B4GALT1: variants seen among roughly 807,000 people sequenced by gnomAD.
The protein encoded by B4GALT1 is beta-1,4-galactosyltransferase 1.
B4GALT1 carries 16 observed loss-of-function variants against 34.9 expected under a neutral mutation model. The ratio of observed to expected loss-of-function variants is 0.46; its 90% CI spans 0.31 to 0.70. The LOEUF (loss-of-function observed/expected upper bound fraction) is 0.70. Ranked by LOEUF, B4GALT1 falls within the 30% of genes least tolerant of loss-of-function variation. The pLI is 0.05. For synonymous variants in B4GALT1, 221 were observed against 218.1 expected, an observed-to-expected ratio of 1.01 and a Z score of -0.12; for missense variants, 445 against 530.5, an observed-to-expected ratio of 0.84 and a Z score of 1.58.
At chr9:33,137,479 C>T (rs917800827) in intron 1 of B4GALT1, among the ~76,000 whole-genome samples, 3 of 152,202 alleles carry the variant, frequency 2.0e-5, no homozygotes, top group Admixed American at 2.0e-4. Flanking sequence ...TATAAGACTG[C>T]CTGCTGAGCC....
At chr9:33,140,105 C>T (rs181507539) in intron 1 of B4GALT1, among the ~76,000 whole-genome samples, 3 of 152,362 alleles carry the variant, frequency 2.0e-5, no homozygotes, top group Non-Finnish European at 4.4e-5. Flanking sequence ...CAAACACATA[C>T]ATGCCCCTCC....
intron 2 of B4GALT1, among the ~76,000 whole-genome samples, chr9:33,132,661 T>C (rs78138098): frequency 0.013 from 2,032 of 152,286 alleles, 33 homozygotes; most frequent in Admixed American, 0.048. Flanking sequence ...AGAAATCTAC[T>C]GTGTTGAGCC....
chr9:33,104,571 C>T (rs1396534753), exon 3 of B4GALT1: 1 of 345,418 alleles, frequency 2.9e-6, no homozygotes, highest in Non-Finnish European at 5.7e-6. Context: ...AAAAGCCAGT[C>T]ACTGGGGTCA....
chr9:33,117,110 GATTGTT>G (rs1228576955), intron 3 of B4GALT1, among the ~76,000 whole-genome samples: 1 of 152,092 alleles, frequency 6.6e-6, no homozygotes, highest in African/African-American at 2.4e-5. Context: ...TGGAATCTGA[GATTGTT>G]TCAGAGCCTC....
intron 2 of B4GALT1, among the ~76,000 whole-genome samples, chr9:33,127,646 C>G (rs1325656532): frequency 2.0e-5 from 3 of 152,130 alleles, no homozygotes; most frequent in Non-Finnish European, 4.4e-5. Context: ...ACCTAAGGGA[C>G]TTCTAAGAGA....
At chr9:33,161,407 T>TA (rs1179168165) in intron 1 of B4GALT1, among the ~76,000 whole-genome samples, 1 of 152,078 alleles carries the variant, frequency 6.6e-6, no homozygotes, top group Non-Finnish European at 1.5e-5. Flanking sequence ...CTCCTTGAGC[T>TA]AGTGACCGCC....
At chr9:33,181,234 A>G in the B4GALT1 span, among the ~76,000 whole-genome samples, 2 of 152,168 alleles carry the variant, frequency 1.3e-5, no homozygotes, top group African/African-American at 4.8e-5. Context: ...AGCCTGGGCA[A>G]CATAGTGAGA....
At chr9:33,150,899 G>A (rs1840507737) in intron 1 of B4GALT1, among the ~76,000 whole-genome samples, 1 of 152,156 alleles carries the variant, frequency 6.6e-6, no homozygotes, top group Admixed American at 6.5e-5. Context: ...ACAAATACAT[G>A]AGGCAAGAGA....
intron 1 of B4GALT1, among the ~76,000 whole-genome samples, chr9:33,153,966 G>C (rs561145634): frequency 6.8e-6 from 1 of 147,622 alleles, no homozygotes; most frequent in East Asian, 2.0e-4. Context: ...GAAAGGGAAG[G>C]GGAGGGGAGA....
Position 33,113,066 on chromosome 9 carries a change from C to A in B4GALT1, c.*388G>T. On this transcript the variant is annotated 3_prime_UTR_variant, in exon 6 of 6. Transcript: ENST00000379731. ...ACCAATCCAATTTTAGCAGCACTCT[C>A]CGAATTTTCACGAATAAGAAAACCA... 1 of 293,644 alleles carries A rather than the reference C, an allele frequency of 3.4e-6. No homozygotes were observed. Among genetic ancestry groups the A allele is most frequent in the African/African-American group, 2.2e-5 (1 of 46,006 alleles). 18.2% of individuals were successfully genotyped at this position (293,644 alleles called of 1,614,324 possible).
At chr9:33,109,335 T>C (rs1054894882), downstream of B4GALT1, among the ~76,000 whole-genome samples, 3 of 152,240 alleles carry the variant, frequency 2.0e-5, no homozygotes, top group African/African-American at 7.2e-5. Flanking sequence ...CCCTCCCCCA[T>C]GCCTTGCCCT....
intron 1 of B4GALT1, among the ~76,000 whole-genome samples, chr9:33,150,445 T>C (rs1484939741): frequency 5.3e-5 from 8 of 151,196 alleles, no homozygotes; most frequent in African/African-American, 1.9e-4. Context: ...GAAAAACATA[T>C]AATCAAAATG....
At chr9:33,123,762 C>T (rs1391036951) in intron 2 of B4GALT1, among the ~76,000 whole-genome samples, 1 of 152,102 alleles carries the variant, frequency 6.6e-6, no homozygotes, top group African/African-American at 2.4e-5. Flanking sequence ...ATTTTGGAAC[C>T]ACGAATGAGC....
Position 33,166,993 on chromosome 9 carries a change from C to G in B4GALT1, c.177G>C (p.Pro59=), listed in dbSNP as rs1393614425. ...CGGCACTGTTCGAGCCGCCCTGCAG[C>G]GGTGTGGAGACTCCGACCAGTTGGG... The part of the protein sequence containing the change: ...RLPQLVGVST[P]LQGGSNSAAA... The change falls in exon 1 of 6, where the codon CCG becomes CCC. Residue 59 remains proline, a synonymous_variant. Coordinates refer to ENST00000379731, the MANE Select transcript of B4GALT1 (RefSeq NM_001497.4). The G allele has an allele frequency of 6.3e-7, 1 of 1,592,570 alleles. No homozygotes were observed. Among genetic ancestry groups the G allele is most frequent in the Non-Finnish European group, 8.5e-7 (1 of 1,175,746 alleles).
chr9:33,120,404 CTGAG>C lies in B4GALT1; in HGVS notation c.836+11_836+14del, dbSNP rs747073303. 2 of 1,612,224 alleles carry C rather than the reference CTGAG, an allele frequency of 1.2e-6. No individual in the cohort carries two copies. Among genetic ancestry groups the C allele is most frequent in the South Asian group, 1.1e-5 (1 of 90,996 alleles). ...GAGACATGTTTACCACAGATTCTGA[CTGAG>C]TATCTCTTACCTGAATCCAAACTTA... is the stretch of plus-strand genomic sequence containing the variant. On this transcript the variant is annotated intron_variant, in intron 3 of 5. Transcript: ENST00000379731.
intron 1 of B4GALT1, among the ~76,000 whole-genome samples, chr9:33,158,027 A>C (rs949954074): frequency 1.3e-5 from 2 of 152,202 alleles, no homozygotes; most frequent in African/African-American, 4.8e-5. Flanking sequence ...ATGTCTGCTT[A>C]GACAGACATG....
chr9:33,119,025 C>T (rs1839982698), intron 3 of B4GALT1, among the ~76,000 whole-genome samples: 1 of 152,128 alleles, frequency 6.6e-6, no homozygotes, highest in Non-Finnish European at 1.5e-5. Context: ...CCACACCTGG[C>T]TAATTTTTGT....
intron 2 of B4GALT1, among the ~76,000 whole-genome samples, chr9:33,131,236 C>A (rs1455810050): frequency 6.6e-6 from 1 of 152,172 alleles, no homozygotes; most frequent in East Asian, 1.9e-4. Context: ...GGGTTTGAGC[C>A]GCAGCCCTAC....
At chr9:33,147,938 G>A (rs976775872) in intron 1 of B4GALT1, among the ~76,000 whole-genome samples, 1 of 152,112 alleles carries the variant, frequency 6.6e-6, no homozygotes, top group Non-Finnish European at 1.5e-5. Context: ...GGAGGCTGAG[G>A]TGGGAGGATC....
Sources: allele counts gnomAD v4.1 joint callset (sites outside exome capture counted in the v4.1 genomes callset), GRCh38; gene constraint gnomAD v4.1.1; transcripts MANE v1.5; gene names NCBI Gene and HGNC (gene_info 2026-07-23, HGNC 2026-07-21).